The following VPS53 variants were observed in gnomAD, a reference collection of about 807,000 sequenced individuals.
VPS53 encodes the protein VPS53 subunit of GARP complex.
A neutral mutation model predicts 107.0 loss-of-function variants in VPS53; 70 were observed. That is an observed-to-expected ratio of 0.65 (90% CI 0.54 to 0.80). VPS53 has a LOEUF of 0.80. Ranked by LOEUF, VPS53 falls within the 30% of genes least tolerant of loss-of-function variation. The pLI, the probability that VPS53 is intolerant of heterozygous loss-of-function variation, is 0.00. For missense variants in VPS53, 917 were observed against 1,049.4 expected, an observed-to-expected ratio of 0.87 and a Z score of 1.74; for synonymous variants, 409 against 393.3, an observed-to-expected ratio of 1.04 and a Z score of -0.47.
intron 1 of VPS53, among the ~76,000 whole-genome samples, chr17:712,095 C>A (rs915955808): frequency 7.0e-6 from 1 of 141,850 alleles, no homozygotes; most frequent in African/African-American, 2.6e-5. Context: ...GGATTACAGG[C>A]GTGAGCCTCC....
chr17:572,568 C>A (rs1040565284), intron 13 of VPS53, among the ~76,000 whole-genome samples: 1 of 151,718 alleles, frequency 6.6e-6, no homozygotes, highest in Admixed American at 6.6e-5. Flanking sequence ...ATGACAATGG[C>A]GGTTTTGTGG....
At chr17:685,836 C>T (rs1156562843) in intron 4 of VPS53, among the ~76,000 whole-genome samples, 1 of 150,672 alleles carries the variant, frequency 6.6e-6, no homozygotes, top group Non-Finnish European at 1.5e-5. Flanking sequence ...CCCATCACTA[C>T]AAAAAAAAAC....
rs11375713 is a variant in VPS53 at position 711,817 on chromosome 17, ATT to A, written c.88-1206_88-1205del. ...ATGCATACGTGGTACTTCATGGGCA[ATT>A]TTTTTTTTTTTTTTTGACACGGAGT... On this transcript the variant is annotated intron_variant, in intron 1 of 21. Coordinates refer to ENST00000437048, the MANE Select transcript of VPS53 (RefSeq NM_001128159.3). 3.9e-4 allele frequency among the ~76,000 whole-genome samples: 56 copies of A among 142,458 alleles called. No individual in the cohort carries two copies. The East Asian group carries it at 5.4e-3, about 14-fold the overall frequency. 93.5% of individuals were successfully genotyped at this position (142,458 alleles called of 152,430 possible).
At chr17:689,063 A>G (rs535351137) in intron 4 of VPS53, among the ~76,000 whole-genome samples, 1 of 152,376 alleles carries the variant, frequency 6.6e-6, no homozygotes, top group South Asian at 2.1e-4. Context: ...AGAAGCAAGT[A>G]GCAATTGCCA....
At chr17:540,139 T>C (rs936714950) in intron 17 of VPS53, among the ~76,000 whole-genome samples, 1 of 148,028 alleles carries the variant, frequency 6.8e-6, no homozygotes, top group Non-Finnish European at 1.5e-5. Context: ...GTAAGGCCTG[T>C]TTCTCAAGGA....
At chr17:596,577 C>A (rs1012067080) in intron 12 of VPS53, among the ~76,000 whole-genome samples, 1 of 152,216 alleles carries the variant, frequency 6.6e-6, no homozygotes, top group African/African-American at 2.4e-5. Flanking sequence ...GGTCCTCTTG[C>A]AGCACTTCTA....
intron 7 of VPS53, among the ~76,000 whole-genome samples, chr17:650,164 T>G (rs1274961117): frequency 6.6e-6 from 1 of 152,136 alleles, no homozygotes; most frequent in Non-Finnish European, 1.5e-5. Flanking sequence ...GAGAATAATT[T>G]CTTAGAGTAT....
At chr17:699,496 T>A in intron 2 of VPS53, 116 bp from the exon 3 acceptor site, 1 of 785,220 alleles carries the variant, frequency 1.3e-6, no homozygotes, top group Non-Finnish European at 1.9e-6. Flanking sequence ...TTTAATCACA[T>A]GATATGAGTT....
intron 11 of VPS53, among the ~76,000 whole-genome samples, chr17:606,762 A>T (rs569290626): frequency 6.6e-6 from 1 of 152,252 alleles, no homozygotes; most frequent in East Asian, 1.9e-4. Context: ...TGAGCTGCTC[A>T]TATGAGAGGT....
In VPS53 at chr17:696,791, C is replaced by CTTT. The variant is rs67948585; in HGVS notation, c.285+624_285+626dup. ...ACTAGATCCAATAAGACTTATAAAA[C>CTTT]TTTTTTTTTTTTTTTTTTTTGAGAC... On this transcript the variant is annotated intron_variant, in intron 4 of 21. Coordinates refer to ENST00000437048, the MANE Select transcript of VPS53 (RefSeq NM_001128159.3). Among the ~76,000 whole-genome samples the CTTT allele has an allele frequency of 2.7e-3, 312 of 113,712 alleles. 8 individuals are homozygous for CTTT. The highest frequency in any genetic ancestry group is 6.3e-3 in the Middle Eastern group (1 of 160). 74.6% of individuals were successfully genotyped at this position (113,712 alleles called of 152,430 possible).
At chr17:649,563 G>T (rs1970847285) in intron 7 of VPS53, among the ~76,000 whole-genome samples, 1 of 140,494 alleles carries the variant, frequency 7.1e-6, no homozygotes, top group Non-Finnish European at 1.6e-5. Context: ...TCTTACACTG[G>T]AGGACAGAGG....
chr17:513,728 C>A lies in VPS53; in HGVS notation c.*5400G>T, dbSNP rs1204532320. The A allele has an allele frequency of 7.3e-6, 1 of 136,822 alleles. No individual in the cohort carries two copies. Among genetic ancestry groups the A allele is most frequent in the Non-Finnish European group, 1.6e-5 (1 of 62,684 alleles). 8.5% of individuals were successfully genotyped at this position (136,822 alleles called of 1,614,324 possible). On this transcript the variant is annotated 3_prime_UTR_variant, in exon 22 of 22. Coordinates refer to ENST00000437048, the MANE Select transcript of VPS53 (RefSeq NM_001128159.3). ...TCTTCCTAGGGAAGGAATCTCATTT[C>A]CAGCAGGTTATTCCGAGTGCTCTTC...
chr17:651,185 C>T (rs977569201), intron 7 of VPS53, among the ~76,000 whole-genome samples: 3 of 152,026 alleles, frequency 2.0e-5, no homozygotes, highest in South Asian at 2.1e-4. Flanking sequence ...TACAGATTTA[C>T]GTAAATACAC....
In VPS53 at chr17:541,603, C is replaced by A. The variant is rs113893830; in HGVS notation, c.1867-4427G>T. Among the ~76,000 whole-genome samples the A allele has an allele frequency of 5.2e-5, 6 of 115,876 alleles. No homozygotes were observed. In the East Asian group the frequency reaches 1.3e-3, roughly 26 times the overall value. 76.0% of individuals were successfully genotyped at this position (115,876 alleles called of 152,430 possible). ...TACCACGCACCAGGTGCTGAAGGAA[C>A]GTTTATCAAGCACCGACTACGCACT... is the stretch of plus-strand genomic sequence containing the variant. On this transcript the variant is annotated intron_variant, in intron 17 of 21. Transcript: ENST00000437048.
rs1028675621 is a variant in VPS53 at position 517,260 on chromosome 17, A to G, written c.*1868T>C. On this transcript the variant is annotated 3_prime_UTR_variant, in exon 22 of 22. Coordinates refer to ENST00000437048, the MANE Select transcript of VPS53 (RefSeq NM_001128159.3). ...TCGCAACACTTCTTTTCTCCTCCGC[A>G]TTCTCAAATTTGAGACGCTTGATGC... 2.5e-6 allele frequency: 1 copy of G among 392,370 alleles called. No homozygotes were observed. The highest frequency in any genetic ancestry group is 2.1e-5 in the African/African-American group (1 of 48,498). 24.3% of individuals were successfully genotyped at this position (392,370 alleles called of 1,614,324 possible).
At chr17:648,174 C>T (rs1350161570) in intron 7 of VPS53, among the ~76,000 whole-genome samples, 3 of 152,206 alleles carry the variant, frequency 2.0e-5, no homozygotes, top group Non-Finnish European at 4.4e-5. Context: ...TACACTTAGC[C>T]AAGTAGCAAT....
Position 559,463 on chromosome 17 carries a change from G to A in VPS53, c.1704+963C>T, listed in dbSNP as rs568873212. Among the ~76,000 whole-genome samples, 147 of 152,310 alleles carry A rather than the reference G, an allele frequency of 9.7e-4. 1 individual carries two copies. Among genetic ancestry groups the A allele is most frequent in the Middle Eastern group, 3.4e-3 (1 of 294 alleles). The stretch of plus-strand genomic sequence containing the variant: ...CCTGGGGAGTGGCCTGGGGCTAAAC[G>A]GACTGCTCTGTGGCTCCAAGGCCAA... On this transcript the variant is annotated intron_variant, in intron 15 of 21. Transcript: ENST00000437048.
chr17:549,293 A>G (rs1379492246), intron 17 of VPS53, among the ~76,000 whole-genome samples: 1 of 152,224 alleles, frequency 6.6e-6, no homozygotes, highest in Non-Finnish European at 1.5e-5. Context: ...TCAATTTGTG[A>G]CCACTTGGCT....
chr17:688,684 A>G (rs1475280493), intron 4 of VPS53, among the ~76,000 whole-genome samples: 1 of 152,190 alleles, frequency 6.6e-6, no homozygotes, highest in Admixed American at 6.6e-5. Context: ...AGCAGGCAAA[A>G]TGAACAGTCA....
Sources: allele counts gnomAD v4.1 joint callset (sites outside exome capture counted in the v4.1 genomes callset), GRCh38; gene constraint gnomAD v4.1.1; transcripts MANE v1.5; gene names NCBI Gene and HGNC (gene_info 2026-07-23, HGNC 2026-07-21).